TENM4: variants seen among roughly 807,000 people sequenced by gnomAD.
The protein encoded by TENM4 is teneurin transmembrane protein 4.
In TENM4, 82 loss-of-function variants were observed where a neutral mutation model predicts 243.3. That is an observed-to-expected ratio of 0.34 (90% confidence interval 0.28 to 0.40). The LOEUF (loss-of-function observed/expected upper bound fraction) is 0.40. TENM4 is among the 10% of genes least tolerant of loss of function. TENM4 has a pLI of 1.00. For synonymous variants in TENM4, 1,412 were observed against 1,456.3 expected, an observed-to-expected ratio of 0.97 and a Z score of 0.69; for missense variants, 3,138 against 3,673.3, an observed-to-expected ratio of 0.85 and a Z score of 3.77.
chr11:79,023,250 G>T (rs1858982005), intron 6 of TENM4, among the ~76,000 whole-genome samples: 1 of 152,084 alleles, frequency 6.6e-6, no homozygotes, highest in Non-Finnish European at 1.5e-5. Context: ...GAAAATGAGG[G>T]TGAATTATAT....
At chr11:78,855,355 C>T (rs916788480) in intron 11 of TENM4, among the ~76,000 whole-genome samples, 2 of 152,126 alleles carry the variant, frequency 1.3e-5, no homozygotes, top group Non-Finnish European at 2.9e-5. Flanking sequence ...CTTCATTAAT[C>T]ATGATTGGTA....
At chr11:78,834,171 T>C (rs1365421875) in intron 12 of TENM4, among the ~76,000 whole-genome samples, 1 of 152,228 alleles carries the variant, frequency 6.6e-6, no homozygotes, top group East Asian at 1.9e-4. Context: ...TCAACCCATT[T>C]ATGGGAATTT....
rs572657333 is a variant in TENM4, at chr11:78,724,047, T to C, written c.3551-1130A>G. On this transcript the variant is annotated intron_variant, in intron 23 of 33. Coordinates refer to ENST00000278550, the MANE Select transcript of TENM4 (RefSeq NM_001098816.3). ...TCCTTCCCTCCCTTCCTTTCTCCTC[T>C]CCTCTCCTTTCCTCTCTCTCCTTTT... Among the ~76,000 whole-genome samples the C allele has an allele frequency of 4.2e-4, 63 of 151,464 alleles. 1 individual carries two copies. In the South Asian group the frequency reaches 0.012, roughly 30 times the overall value.
intron 4 of TENM4, among the ~76,000 whole-genome samples, chr11:79,125,389 T>A (rs1861853452): frequency 6.6e-6 from 1 of 152,168 alleles, no homozygotes; most frequent in Non-Finnish European, 1.5e-5. Context: ...CTGCCCTGAA[T>A]GAGAGTCTTA....
intron 9 of TENM4, among the ~76,000 whole-genome samples, chr11:78,870,679 C>A (rs1365346526): frequency 6.6e-6 from 1 of 152,096 alleles, no homozygotes; most frequent in Non-Finnish European, 1.5e-5. Flanking sequence ...GGGAAGGAGG[C>A]CTTTCAGCAA....
chr11:78,730,126 C>T (rs1855618646), intron 21 of TENM4, among the ~76,000 whole-genome samples: 1 of 152,212 alleles, frequency 6.6e-6, no homozygotes, highest in Admixed American at 6.5e-5. Flanking sequence ...AGTCTCCTCA[C>T]TGGCTTTGTG....
At chr11:78,941,062 C>A (rs1360274663) in intron 6 of TENM4, among the ~76,000 whole-genome samples, 1 of 152,178 alleles carries the variant, frequency 6.6e-6, no homozygotes, top group African/African-American at 2.4e-5. Flanking sequence ...CAGGCATGTC[C>A]CCCGCAAGCC....
At chr11:79,299,485 G>A (rs1425568224) in intron 1 of TENM4, among the ~76,000 whole-genome samples, 1 of 152,062 alleles carries the variant, frequency 6.6e-6, no homozygotes, top group African/African-American at 2.4e-5. Context: ...ATCCAGGCAG[G>A]GTCATCCTCT....
At chr11:79,355,703 T>C (rs1359768682) in intron 1 of TENM4, among the ~76,000 whole-genome samples, 1 of 137,322 alleles carries the variant, frequency 7.3e-6, no homozygotes, top group Non-Finnish European at 1.6e-5. Flanking sequence ...TGCAGCAAAA[T>C]CATGTGAGCA....
intron 1 of TENM4, among the ~76,000 whole-genome samples, chr11:79,386,016 ATTCT>A (rs1858104632): frequency 6.6e-6 from 1 of 152,248 alleles, no homozygotes; most frequent in African/African-American, 2.4e-5. Context: ...ATTTACTCAA[ATTCT>A]TTCTATTATA....
chr11:79,267,894 G>GT (rs1446224864), intron 2 of TENM4, among the ~76,000 whole-genome samples: 1 of 152,124 alleles, frequency 6.6e-6, no homozygotes, highest in South Asian at 2.1e-4. Flanking sequence ...CCTATAAATT[G>GT]TTTGAGTTTT....
At chr11:79,115,792 G>T (rs770488205) in intron 4 of TENM4, among the ~76,000 whole-genome samples, 11 of 152,222 alleles carry the variant, frequency 7.2e-5, no homozygotes. Flanking sequence ...AGGGCCTTCA[G>T]TAGCAAATTC....
At chr11:78,691,962 G>T (rs1858838157) in intron 28 of TENM4, among the ~76,000 whole-genome samples, 1 of 152,136 alleles carries the variant, frequency 6.6e-6, no homozygotes, top group African/African-American at 2.4e-5. Context: ...AAGAAGTAGG[G>T]TTGCCAGTCC....
At chr11:79,097,737 C>T (rs1385055466) in intron 4 of TENM4, 3 of 151,832 alleles carry the variant, frequency 2.0e-5, no homozygotes, top group African/African-American at 4.8e-5. Context: ...CATGTGAATC[C>T]GTCTCAACAC....
intron 6 of TENM4, among the ~76,000 whole-genome samples, chr11:79,055,506 T>A (rs1468306808): frequency 3.3e-5 from 5 of 152,226 alleles, no homozygotes; most frequent in East Asian, 1.9e-4. Flanking sequence ...CCTCCCAAAG[T>A]GCTGGGATTA....
At chr11:79,431,514 C>G (rs907912884) in intron 1 of TENM4, among the ~76,000 whole-genome samples, 1 of 152,290 alleles carries the variant, frequency 6.6e-6, no homozygotes, top group East Asian at 1.9e-4. Context: ...AGTCTACTGA[C>G]AGTTACTGCC....
chr11:79,175,068 C>T (rs1863130769), intron 3 of TENM4, among the ~76,000 whole-genome samples: 2 of 152,258 alleles, frequency 1.3e-5, no homozygotes, highest in African/African-American at 4.8e-5. Flanking sequence ...TCTTTCTTTG[C>T]TGTCCCCATC....
intron 29 of TENM4, among the ~76,000 whole-genome samples, chr11:78,684,657 G>C (rs958646483): frequency 1.3e-5 from 2 of 152,180 alleles, no homozygotes; most frequent in South Asian, 4.1e-4. Context: ...GAGCCTGTTT[G>C]CCTGGGTCCA....
intron 28 of TENM4, among the ~76,000 whole-genome samples, chr11:78,694,972 C>G (rs186693031): frequency 3.3e-5 from 5 of 152,278 alleles, no homozygotes; most frequent in African/African-American, 1.2e-4. Flanking sequence ...TGCTCTGCAG[C>G]CTGGGGGTTG....
Sources: allele counts gnomAD v4.1 joint callset (sites outside exome capture counted in the v4.1 genomes callset), GRCh38; gene constraint gnomAD v4.1.1; transcripts MANE v1.5; gene names NCBI Gene and HGNC (gene_info 2026-07-23, HGNC 2026-07-21).